Variants in ALMS1 observed in about 807,000 individuals in gnomAD.
The protein encoded by ALMS1 is centrosome-associated protein ALMS1.
A neutral mutation model predicts 352.2 loss-of-function variants in ALMS1; 271 were observed. That is an observed-to-expected ratio of 0.77 (90% CI 0.70 to 0.85). The LOEUF (loss-of-function observed/expected upper bound fraction) is 0.85. ALMS1 is among the 40% of genes least tolerant of loss of function. The pLI, the probability that ALMS1 is intolerant of heterozygous loss-of-function variation, is 0.00. For synonymous variants in ALMS1, 1,865 were observed against 1,761.2 expected (o/e 1.06, Z -1.48); for missense variants, 5,445 against 4,870.7 (o/e 1.12, Z -3.51).
intron 16 of ALMS1, among the ~76,000 whole-genome samples, chr2:73,576,822 A>G (rs1292696517): frequency 6.6e-6 from 1 of 151,828 alleles, no homozygotes; most frequent in Non-Finnish European, 1.5e-5. Context: ...GGGTTTCACC[A>G]TGTTGGCCAG....
intron 1 of ALMS1, among the ~76,000 whole-genome samples, chr2:73,404,367 A>G: frequency 6.6e-6 from 1 of 152,120 alleles, no homozygotes; most frequent in East Asian, 1.9e-4. Flanking sequence ...CTGATCTTAG[A>G]GGAAATGTTT....
At chr2:73,434,256 T>C (rs1283919396) in intron 7 of ALMS1, among the ~76,000 whole-genome samples, 3 of 152,200 alleles carry the variant, frequency 2.0e-5, no homozygotes, top group African/African-American at 7.2e-5. Context: ...TACAAATTGA[T>C]AAATTCCTAA....
chr2:73,411,671 C>T (rs1000824435), intron 2 of ALMS1, among the ~76,000 whole-genome samples: 1 of 152,292 alleles, frequency 6.6e-6, no homozygotes, highest in East Asian at 1.9e-4. Context: ...ATTCTTTCGT[C>T]GTTCATCTTT....
Position 73,448,722 on chromosome 2 carries a change from A to C in ALMS1, c.2195A>C (p.Asp732Ala). The change falls in exon 8 of 23, where the codon GAC becomes GCC. Residue 732 changes from aspartate to alanine, a missense_variant. Transcript: ENST00000613296. ...PGIFYQQEFA[D>A]SHQTEETLTK... ...ATTTTTTACCAACAAGAGTTCGCAGACAGTCATCAAACTGAAGAGACTCTT... is the reference window on the plus strand; with the variant it reads ...ATTTTTTACCAACAAGAGTTCGCAGCCAGTCATCAAACTGAAGAGACTCTT... 1 of 1,605,386 alleles carries C rather than the reference A, an allele frequency of 6.2e-7. No homozygotes were observed. The highest frequency in any genetic ancestry group is 8.5e-7 in the Non-Finnish European group (1 of 1,174,220).
At chr2:73,494,200 T>G (rs948455282) in intron 10 of ALMS1, among the ~76,000 whole-genome samples, 3 of 152,174 alleles carry the variant, frequency 2.0e-5, no homozygotes, top group Non-Finnish European at 4.4e-5. Flanking sequence ...TAACCTACCC[T>G]TGGATGTGTC....
intron 16 of ALMS1, among the ~76,000 whole-genome samples, chr2:73,574,784 A>C (rs1371685604): frequency 1.3e-5 from 2 of 152,160 alleles, no homozygotes; most frequent in Admixed American, 1.3e-4. Context: ...CATAAAGTTT[A>C]CAGTTTTGAT....
chr2:73,464,260 C>A lies in ALMS1; in HGVS notation c.7674+8965C>A, dbSNP rs540109480. Among the ~76,000 whole-genome samples, 6 of 152,334 alleles carry A rather than the reference C, an allele frequency of 3.9e-5. No homozygotes were observed. In the East Asian group the frequency reaches 1.2e-3, roughly 29 times the overall value. ...AGCTTATCCACCATGATCAAGTGGGCTTCATCCCTGGGATGCAAGGCTGGT... is the reference window on the plus strand; with the variant it reads ...AGCTTATCCACCATGATCAAGTGGGATTCATCCCTGGGATGCAAGGCTGGT... On this transcript the variant is annotated intron_variant, in intron 9 of 22. Coordinates refer to ENST00000613296, the MANE Select transcript of ALMS1 (RefSeq NM_001378454.1).
At chr2:73,594,905 A>G (rs1313116025) in intron 16 of ALMS1, among the ~76,000 whole-genome samples, 2 of 152,132 alleles carry the variant, frequency 1.3e-5, no homozygotes, top group Non-Finnish European at 2.9e-5. Flanking sequence ...TTGTTTTTAA[A>G]TATGTCCCTC....
intron 6 of ALMS1, 32 bp downstream of exon 6, chr2:73,426,585 A>G (rs1247458102): frequency 6.2e-7 from 1 of 1,601,260 alleles, no homozygotes; most frequent in Non-Finnish European, 8.6e-7. Flanking sequence ...GTTGTAAGAA[A>G]CGTGGCCTTT....
intron 15 of ALMS1, among the ~76,000 whole-genome samples, chr2:73,566,402 G>A (rs980341735): frequency 2.0e-5 from 3 of 152,204 alleles, no homozygotes; most frequent in Admixed American, 1.3e-4. Flanking sequence ...TGCCTAAGGG[G>A]CAGGTAGTGT....
chr2:73,553,774 G>A (rs537070884), intron 13 of ALMS1, among the ~76,000 whole-genome samples: 1 of 152,226 alleles, frequency 6.6e-6, no homozygotes, highest in Non-Finnish European at 1.5e-5. Context: ...TCAGAAGATA[G>A]GATGAAAGGA....
chr2:73,586,123 ATTTG>A, intron 16 of ALMS1, among the ~76,000 whole-genome samples: 1 of 151,850 alleles, frequency 6.6e-6, no homozygotes, highest in Non-Finnish European at 1.5e-5. Flanking sequence ...TGTTGGGATT[ATTTG>A]TTCTTTTCTT....
At chr2:73,491,603 C>CT (rs773260894) in intron 10 of ALMS1, 105 bp downstream of exon 10, 40 of 1,245,524 alleles carry the variant, frequency 3.2e-5, no homozygotes, top group Non-Finnish European at 4.5e-5. Context: ...TGTGATTTCT[C>CT]TGAGTGGAGG....
chr2:73,464,065 A>G (rs1004822058), intron 9 of ALMS1, among the ~76,000 whole-genome samples: 18 of 152,254 alleles, frequency 1.2e-4, no homozygotes, highest in Non-Finnish European at 2.2e-4. Flanking sequence ...AATCAATAGA[A>G]AAAGAGGGAA....
intron 10 of ALMS1, among the ~76,000 whole-genome samples, chr2:73,512,242 G>A (rs150740709): frequency 2.0e-5 from 3 of 151,996 alleles, no homozygotes; most frequent in East Asian, 1.9e-4. Flanking sequence ...GTACCACCAC[G>A]CCTAGCTAAT....
chr2:73,385,922 GGAGGAGGAGGAGGAGGAGGAA>G lies in ALMS1; in HGVS notation c.65_85del (p.Glu22_Glu28del), dbSNP rs1346890147. On this transcript the variant is annotated inframe_deletion, in exon 1 of 23. Coordinates refer to ENST00000613296, the MANE Select transcript of ALMS1 (RefSeq NM_001378454.1). Reference sequence around the variant, plus strand: ...GCGAGCTGGAGGAGGAGGAGGAGGAGGAGGAGGAGGAGGAGGAGGAAGAGGAGGAGGCTGCAGCGGCGGCGG... The same window carrying G: ...GCGAGCTGGAGGAGGAGGAGGAGGAGGAGGAGGAGGCTGCAGCGGCGGCGG... 1 of 959,182 alleles carries G rather than the reference GGAGGAGGAGGAGGAGGAGGAA, an allele frequency of 1.0e-6. No homozygotes were observed. The highest frequency in any genetic ancestry group is 1.6e-6 in the Non-Finnish European group (1 of 615,864). 59.4% of individuals were successfully genotyped at this position (959,182 alleles called of 1,614,324 possible). A position where few individuals can be genotyped will look rare whatever the true frequency, so the allele number is the denominator to read the frequency against.
intron 1 of ALMS1, among the ~76,000 whole-genome samples, chr2:73,393,019 T>A (rs1056530205): frequency 9.8e-5 from 15 of 152,346 alleles, no homozygotes; most frequent in African/African-American, 3.6e-4. Flanking sequence ...TTTGTAGTTT[T>A]GATTTGCATT....
At position 73,409,589 on chromosome 2, in the gene ALMS1, CTG is replaced by C. The variant is rs1297828022; in HGVS notation, c.450+844_450+845del. 6.6e-5 allele frequency among the ~76,000 whole-genome samples: 10 copies of C among 152,026 alleles called. No individual in the cohort carries two copies. The East Asian group carries it at 1.9e-3, about 29-fold the overall frequency. ...TAGTATATTTTAAAGTAAAAAATGA[CTG>C]TTTTCCAAAACAAAAAAATTAGTTG... is the stretch of plus-strand genomic sequence containing the variant. On this transcript the variant is annotated intron_variant, in intron 2 of 22. Transcript: ENST00000613296.
At chr2:73,386,295 A>T in intron 1 of ALMS1, 103 bp downstream of exon 1, 1 of 1,399,388 alleles carries the variant, frequency 7.1e-7, no homozygotes. Context: ...TGACGGAGAA[A>T]ACGCGCGCAG....
Sources: allele counts gnomAD v4.1 joint callset (sites outside exome capture counted in the v4.1 genomes callset), GRCh38; gene constraint gnomAD v4.1.1; transcripts MANE v1.5; gene names NCBI Gene and HGNC (gene_info 2026-07-23, HGNC 2026-07-21).